The following STXBP3 variants were observed in gnomAD, a reference collection of about 807,000 sequenced individuals.
The protein encoded by STXBP3 is syntaxin-binding protein 3.
A neutral mutation model predicts 85.7 loss-of-function variants in STXBP3; 41 were observed. The observed-to-expected ratio is 0.48, with a 90% confidence interval of 0.37 to 0.62. The LOEUF is 0.62. Ranked by LOEUF, STXBP3 falls within the 20% of genes least tolerant of loss-of-function variation. The pLI, the probability that STXBP3 is intolerant of heterozygous loss-of-function variation, is 0.00. For missense variants in STXBP3, 563 were observed against 703.1 expected, an observed-to-expected ratio of 0.80 and a Z score of 2.25; for synonymous variants, 229 against 231.7, an observed-to-expected ratio of 0.99 and a Z score of 0.10.
chr1:108,794,770 C>A, intron 12 of STXBP3, 57 bp from the exon 13 acceptor site: 1 of 1,476,092 alleles, frequency 6.8e-7, no homozygotes, highest in Non-Finnish European at 9.3e-7. Context: ...TTTAATATTA[C>A]CAGTTGCACA....
chr1:108,792,821 A>G (rs1016654232), intron 11 of STXBP3, among the ~76,000 whole-genome samples: 1 of 152,208 alleles, frequency 6.6e-6, no homozygotes, highest in African/African-American at 2.4e-5. Flanking sequence ...CATGTTAGAC[A>G]ATGTTATGGT....
intron 5 of STXBP3, 72 bp from the exon 6 acceptor site, chr1:108,759,913 A>G: frequency 1.1e-6 from 1 of 886,342 alleles, no homozygotes; most frequent in Non-Finnish European, 1.8e-6. Flanking sequence ...CTATTCTTGG[A>G]TGTTGGAATG....
intron 6 of STXBP3, among the ~76,000 whole-genome samples, chr1:108,765,219 G>A (rs911762417): frequency 6.6e-6 from 1 of 152,160 alleles, no homozygotes; most frequent in African/African-American, 2.4e-5. Flanking sequence ...TCTCTATTCT[G>A]TTTCATTGAT....
chr1:108,807,682 T>C (rs1663373250), intron 18 of STXBP3, 133 bp downstream of exon 18: 1 of 855,156 alleles, frequency 1.2e-6, no homozygotes, highest in East Asian at 2.9e-5. Context: ...GTTCAAGCGA[T>C]TCTTCTGCCT....
chr1:108,800,413 T>C, intron 17 of STXBP3, 108 bp downstream of exon 17: 1 of 718,188 alleles, frequency 1.4e-6, no homozygotes, highest in Admixed American at 2.8e-5. Flanking sequence ...TATATAATCC[T>C]GTATTTTTTC....
chr1:108,760,554 A>G (rs921476620), intron 6 of STXBP3, among the ~76,000 whole-genome samples: 3 of 152,182 alleles, frequency 2.0e-5, no homozygotes, highest in African/African-American at 7.2e-5. Context: ...AATGATTATA[A>G]TGATATAAGC....
chr1:108,747,472 C>T (rs1455866438), intron 1 of STXBP3, among the ~76,000 whole-genome samples: 1 of 152,132 alleles, frequency 6.6e-6, no homozygotes, highest in Non-Finnish European at 1.5e-5. Flanking sequence ...GGACCGGACT[C>T]CTTATTGGTT....
rs1663399494 is a variant in STXBP3 at position 108,808,897 on chromosome 1, T to TA, written c.*21dup. ...GAATAGCATTTCTTTTTGGAGGGTT[T>TA]AGAGATTCTTACTAATATGTTGAAC... On this transcript the variant is annotated 3_prime_UTR_variant, in exon 19 of 19. Coordinates refer to ENST00000370008, the MANE Select transcript of STXBP3 (RefSeq NM_007269.4). 3 of 1,513,872 alleles carry TA rather than the reference T, an allele frequency of 2.0e-6. No individual in the cohort carries two copies. The highest frequency in any genetic ancestry group is 2.7e-6 in the Non-Finnish European group (3 of 1,103,714). The allele number at this position is 1,513,872 out of a possible 1,614,324, so 93.8% of individuals were successfully genotyped here.
In STXBP3 at chr1:108,777,568, T is replaced by G. The variant is rs1570761551; in HGVS notation, c.684+1145T>G. 3.9e-5 allele frequency among the ~76,000 whole-genome samples: 6 copies of G among 152,292 alleles called. No individual in the cohort carries two copies. The South Asian group carries it at 1.2e-3, about 32-fold the overall frequency. ...ATGGCTTAGTACACATCGTAGATAG[T>G]GAATAAATGTTTGTTGAATGAAGAG... is the stretch of plus-strand genomic sequence containing the variant. On this transcript the variant is annotated intron_variant, in intron 8 of 18. Transcript: ENST00000370008.
chr1:108,753,398 T>C, intron 3 of STXBP3, among the ~76,000 whole-genome samples: 1 of 127,004 alleles, frequency 7.9e-6, no homozygotes, highest in Admixed American at 7.6e-5. Flanking sequence ...GTTTTACTCA[T>C]ATATACATAT....
chr1:108,784,856 T>A (rs1662792075), intron 11 of STXBP3, among the ~76,000 whole-genome samples: 1 of 152,226 alleles, frequency 6.6e-6, no homozygotes, highest in African/African-American at 2.4e-5. Flanking sequence ...ACAGGCCCCA[T>A]GCAGGTCCAA....
intron 13 of STXBP3, among the ~76,000 whole-genome samples, chr1:108,795,231 A>G (rs1165915559): frequency 6.6e-6 from 1 of 152,210 alleles, no homozygotes; most frequent in African/African-American, 2.4e-5. Context: ...AGCATCCAGC[A>G]GAGCTCATTT....
At position 108,779,509 on chromosome 1, in the gene STXBP3, A is replaced by G. The variant is rs1662670415; in HGVS notation, c.809+99A>G. 3.9e-6 allele frequency: 5 copies of G among 1,281,532 alleles called. No homozygotes were observed. The South Asian group carries it at 1.0e-4, about 26-fold the overall frequency. 79.4% of individuals were successfully genotyped at this position (1,281,532 alleles called of 1,614,324 possible). On this transcript the variant is annotated intron_variant, in intron 9 of 18. Transcript: ENST00000370008. The stretch of plus-strand genomic sequence containing the variant: ...AGGCACCAGAAATCTGAAAGCCCCT[A>G]TAACCTTTTCTATTCAGAGACTTTA...
chr1:108,760,277 G>A (rs1242619553), intron 6 of STXBP3, among the ~76,000 whole-genome samples, 192 bp downstream of exon 6: 1 of 152,078 alleles, frequency 6.6e-6, no homozygotes, highest in Non-Finnish European at 1.5e-5. Flanking sequence ...ATGAATAGCA[G>A]GGCTTAAATT....
chr1:108,751,556 A>G (rs985331764), intron 1 of STXBP3, among the ~76,000 whole-genome samples: 1 of 151,948 alleles, frequency 6.6e-6, no homozygotes, highest in Non-Finnish European at 1.5e-5. Flanking sequence ...ATTATATTTT[A>G]TGTATTACTA....
chr1:108,746,683 G>GC lies in STXBP3; in HGVS notation c.-53dup, dbSNP rs1661785013. 16 of 1,546,860 alleles carry GC rather than the reference G, an allele frequency of 1.0e-5. No individual in the cohort carries two copies. The highest frequency in any genetic ancestry group is 1.4e-5 in the Non-Finnish European group (16 of 1,144,380). ...GGGCCACCCCAACGCCGCTTCTGCG[G>GC]CCAAAGTAGGTTGGGAGTGGAAGGT... On this transcript the variant is annotated 5_prime_UTR_variant, in exon 1 of 19. Coordinates refer to ENST00000370008, the MANE Select transcript of STXBP3 (RefSeq NM_007269.4).
intron 6 of STXBP3, among the ~76,000 whole-genome samples, chr1:108,761,416 T>G (rs1662140130): frequency 6.6e-6 from 1 of 152,208 alleles, no homozygotes; most frequent in Admixed American, 6.5e-5. Context: ...AACATCTCGC[T>G]TCACAGAAGA....
At position 108,796,602 on chromosome 1, in the gene STXBP3, T is replaced by C. The variant is rs1264700865; in HGVS notation, c.1250-18T>C. ...TAGCAATTGTGTGATTGTGCACTCA[T>C]ATTTTTACCTATTTAAGGAACTACG... On this transcript the variant is annotated intron_variant, in intron 14 of 18. Coordinates refer to ENST00000370008, the MANE Select transcript of STXBP3 (RefSeq NM_007269.4). 1.2e-6 allele frequency: 2 copies of C among 1,605,798 alleles called. No homozygotes were observed. Among genetic ancestry groups the C allele is most frequent in the Admixed American group, 1.7e-5 (1 of 59,422 alleles).
intron 11 of STXBP3, among the ~76,000 whole-genome samples, chr1:108,784,156 C>T (rs1275849223): frequency 1.3e-5 from 2 of 152,146 alleles, no homozygotes; most frequent in Non-Finnish European, 2.9e-5. Flanking sequence ...TTGGCTTACC[C>T]TGAGGTCATT....
Sources: allele counts gnomAD v4.1 joint callset (sites outside exome capture counted in the v4.1 genomes callset), GRCh38; gene constraint gnomAD v4.1.1; transcripts MANE v1.5; gene names NCBI Gene and HGNC (gene_info 2026-07-23, HGNC 2026-07-21).